FOXP1: variants seen among roughly 807,000 people sequenced by gnomAD.
FOXP1 encodes the protein forkhead box protein P1.
Under a neutral mutation model 98.2 loss-of-function variants are expected in FOXP1, and 15 were observed. The observed-to-expected ratio is 0.15, with a 90% CI of 0.10 to 0.24. The LOEUF is 0.24. Among genes scored for constraint, FOXP1 ranks in the 10% least tolerant of loss-of-function variants. The pLI is 1.00. For missense variants in FOXP1, 633 were observed against 848.5 expected (o/e 0.75, Z 3.15); for synonymous variants, 371 against 314.5 (o/e 1.18, Z -1.90).
At chr3:71,199,803 C>T (rs745331952) in intron 5 of FOXP1, among the ~76,000 whole-genome samples, 24 of 150,406 alleles carry the variant, frequency 1.6e-4, no homozygotes, top group Admixed American at 6.6e-5. Context: ...TAGGGCCAGG[C>T]GCGGTGGCTC....
At chr3:71,563,114 T>C (rs1227171192) in intron 2 of FOXP1, among the ~76,000 whole-genome samples, 4 of 152,068 alleles carry the variant, frequency 2.6e-5, no homozygotes, top group African/African-American at 7.2e-5. Context: ...TATGTGTATG[T>C]GTGTGACTGT....
chr3:71,461,638 T>TA (rs1312931427), intron 3 of FOXP1, among the ~76,000 whole-genome samples: 1 of 151,576 alleles, frequency 6.6e-6, no homozygotes, highest in Non-Finnish European at 1.5e-5. Flanking sequence ...CCGTCTCTAC[T>TA]AAAAAAACAA....
At chr3:71,296,743 A>G (rs760492790) in intron 5 of FOXP1, among the ~76,000 whole-genome samples, 4 of 152,182 alleles carry the variant, frequency 2.6e-5, no homozygotes, top group Non-Finnish European at 4.4e-5. Context: ...AGGAGGGGCC[A>G]ATAGAAGGTG....
intron 11 of FOXP1, among the ~76,000 whole-genome samples, chr3:71,025,900 G>A (rs1576262804): frequency 6.6e-6 from 1 of 152,286 alleles, no homozygotes; most frequent in Non-Finnish European, 1.5e-5. Context: ...TGTATGTGAG[G>A]AAAAGCAGAG....
chr3:71,061,193 T>C (rs1467450668), intron 7 of FOXP1, among the ~76,000 whole-genome samples: 1 of 151,848 alleles, frequency 6.6e-6, no homozygotes, highest in African/African-American at 2.4e-5. Context: ...AAAACAAGAG[T>C]CCAGAAATAC....
chr3:71,378,861 C>A (rs1028909191), intron 3 of FOXP1, among the ~76,000 whole-genome samples: 2 of 152,136 alleles, frequency 1.3e-5, no homozygotes, highest in Admixed American at 1.3e-4. Context: ...TTAGTACTAT[C>A]TGTAGTTTTA....
At position 71,538,090 on chromosome 3, in the gene FOXP1, A is replaced by G. The variant is rs116804979; in HGVS notation, c.-298+43459T>C. ...TTTACAGAAATTTGCTGACCCCTGC[A>G]TTAGCCAAAAGAGAGCACAATCAGC... On this transcript the variant is annotated intron_variant, in intron 2 of 20. Coordinates refer to ENST00000649528, the MANE Select transcript of FOXP1 (RefSeq NM_001349338.3). Among the ~76,000 whole-genome samples, 496 of 152,334 alleles carry G rather than the reference A, an allele frequency of 3.3e-3. 2 individuals are homozygous for G. Among genetic ancestry groups the G allele is most frequent in the African/African-American group, 0.011 (469 of 41,576 alleles).
chr3:71,067,002 G>T (rs2052598699), intron 7 of FOXP1, among the ~76,000 whole-genome samples: 2 of 152,154 alleles, frequency 1.3e-5, no homozygotes, highest in South Asian at 4.1e-4. Context: ...CACGGTGGTG[G>T]CTGTAAGCAC....
intron 3 of FOXP1, among the ~76,000 whole-genome samples, chr3:71,377,972 T>G (rs2079846300): frequency 6.6e-6 from 1 of 152,130 alleles, no homozygotes. Flanking sequence ...ACATCTAAAC[T>G]TATGAGATGA....
At chr3:71,144,803 C>T (rs1242017098) in intron 6 of FOXP1, among the ~76,000 whole-genome samples, 1 of 152,140 alleles carries the variant, frequency 6.6e-6, no homozygotes, top group East Asian at 1.9e-4. Flanking sequence ...TCCACCACCC[C>T]CCAAACTCCC....
intron 3 of FOXP1, among the ~76,000 whole-genome samples, chr3:71,395,100 C>CAAAAAAAAAAA (rs10543398): frequency 1.6e-5 from 1 of 63,806 alleles, no homozygotes; most frequent in Non-Finnish European, 2.8e-5. Context: ...AACCCCGTCA[C>CAAAAAAAAAAA]AAAAAAAAAA....
chr3:71,303,528 A>G (rs1017146244), intron 4 of FOXP1, among the ~76,000 whole-genome samples: 1 of 152,190 alleles, frequency 6.6e-6, no homozygotes, highest in African/African-American at 2.4e-5. Context: ...TGCCTCTTTA[A>G]ATAGGGAATC....
rs569594930 is a variant in FOXP1, at chr3:71,288,041, C to T, written c.-12+11779G>A. Among the ~76,000 whole-genome samples, 356 of 151,932 alleles carry T rather than the reference C, an allele frequency of 2.3e-3. 3 individuals carry two copies. Among genetic ancestry groups the T allele is most frequent in the South Asian group, 4.2e-3 (20 of 4,806 alleles). ...GATTACAGGCATGCGCCACCACGCC[C>T]GGCTAATTTTGTATTTTTAGTAGAG... is the stretch of plus-strand genomic sequence containing the variant. On this transcript the variant is annotated intron_variant, in intron 5 of 20. Coordinates refer to ENST00000649528, the MANE Select transcript of FOXP1 (RefSeq NM_001349338.3).
In FOXP1 at chr3:71,410,283, T is replaced by A. The variant is rs148354661; in HGVS notation, c.-167-51039A>T. Among the ~76,000 whole-genome samples, 1,192 of 152,346 alleles carry A rather than the reference T, an allele frequency of 7.8e-3. 7 individuals carry two copies. Among genetic ancestry groups the A allele is most frequent in the Middle Eastern group, 0.014 (4 of 294 alleles). ...AGACTGAAGCTTCTGAGACACAGAA[T>A]CAGAGATCTTTTGATATTTTTTACT... On this transcript the variant is annotated intron_variant, in intron 3 of 20. Transcript: ENST00000649528.
intron 2 of FOXP1, among the ~76,000 whole-genome samples, chr3:71,565,809 T>C (rs748577781): frequency 9.2e-5 from 14 of 152,186 alleles, no homozygotes. Context: ...ATGTTTGTAT[T>C]AGAATGCCCA....
chr3:71,335,897 CAGGAGGCTA>C (rs910023241), intron 4 of FOXP1, among the ~76,000 whole-genome samples: 1 of 151,106 alleles, frequency 6.6e-6, no homozygotes, highest in Admixed American at 6.6e-5. Context: ...TCCAGCTACT[CAGGAGGCTA>C]AGGTAGGAGA....
chr3:71,149,285 A>G (rs967412864), intron 6 of FOXP1, among the ~76,000 whole-genome samples: 2 of 152,212 alleles, frequency 1.3e-5, no homozygotes, highest in Non-Finnish European at 2.9e-5. Context: ...GAGGCAGGGT[A>G]TTCATAAATG....
chr3:71,353,879 A>G (rs2077965280), intron 4 of FOXP1, among the ~76,000 whole-genome samples: 1 of 152,216 alleles, frequency 6.6e-6, no homozygotes, highest in African/African-American at 2.4e-5. Context: ...AAGCAGGTGG[A>G]AGAAATTGGT....
intron 2 of FOXP1, among the ~76,000 whole-genome samples, chr3:71,520,321 C>T (rs1207459848): frequency 6.6e-6 from 1 of 152,138 alleles, no homozygotes; most frequent in African/African-American, 2.4e-5. Context: ...AACATATATC[C>T]ATTTCTTAGC....
Sources: allele counts gnomAD v4.1 joint callset (sites outside exome capture counted in the v4.1 genomes callset), GRCh38; gene constraint gnomAD v4.1.1; transcripts MANE v1.5; gene names NCBI Gene and HGNC (gene_info 2026-07-23, HGNC 2026-07-21).